Variants in PARD3B observed in about 807,000 individuals in gnomAD.
PARD3B encodes partitioning defective 3 homolog B.
A neutral mutation model predicts 130.2 loss-of-function variants in PARD3B; 103 were observed. That is an observed-to-expected ratio of 0.79 (90% CI 0.67 to 0.93). PARD3B has a LOEUF of 0.93. PARD3B is among the 40% of genes least tolerant of loss of function. The pLI, the probability that PARD3B is intolerant of heterozygous loss-of-function variation, is 0.00. For synonymous variants in PARD3B, 583 were observed against 553.2 expected (o/e 1.05, Z -0.76); for missense variants, 1,609 against 1,499.2 (o/e 1.07, Z -1.21).
chr2:205,592,751 C>T lies in PARD3B; in HGVS notation c.3261-22705C>T, dbSNP rs2054432758. Among the ~76,000 whole-genome samples, 1 of 152,216 alleles carries T rather than the reference C, an allele frequency of 6.6e-6. No individual in the cohort carries two copies. The highest frequency in any genetic ancestry group is 1.5e-5 in the Non-Finnish European group (1 of 68,040). ...GGCATCTGATTCAGAAGTAAAGGAT[C>T]AGGAAGAAGCGGCATCTGGAACAAG... On this transcript the variant is annotated intron_variant, in intron 22 of 22. Coordinates refer to ENST00000406610, the MANE Select transcript of PARD3B (RefSeq NM_001302769.2). The surrounding 1 kb of genome is among the most constrained non-coding windows in gnomAD (Gnocchi z 4.5).
intron 18 of PARD3B, among the ~76,000 whole-genome samples, chr2:205,379,483 TAA>T (rs908959624): frequency 2.6e-5 from 4 of 151,976 alleles, no homozygotes; most frequent in African/African-American, 9.7e-5. Context: ...GGGTTTTTTT[TAA>T]AAAAAAAGCA....
intron 19 of PARD3B, among the ~76,000 whole-genome samples, chr2:205,425,019 C>T (rs1007871381): frequency 6.6e-6 from 1 of 152,148 alleles, no homozygotes; most frequent in Non-Finnish European, 1.5e-5. Flanking sequence ...AAATTTTATC[C>T]AACCGGCAGG....
chr2:204,778,422 G>A (rs1224645598), intron 2 of PARD3B, among the ~76,000 whole-genome samples: 1 of 152,206 alleles, frequency 6.6e-6, no homozygotes, highest in East Asian at 1.9e-4. Flanking sequence ...TTTAGGACAA[G>A]TGCAAGTCAA....
At chr2:205,371,296 C>T (rs2044806116) in intron 18 of PARD3B, among the ~76,000 whole-genome samples, 1 of 152,126 alleles carries the variant, frequency 6.6e-6, no homozygotes, top group Non-Finnish European at 1.5e-5. Context: ...CTTAACACAT[C>T]TGTATAGGAA....
intron 2 of PARD3B, among the ~76,000 whole-genome samples, chr2:204,918,488 G>C (rs1389031256): frequency 5.3e-5 from 8 of 151,764 alleles, no homozygotes; most frequent in Non-Finnish European, 7.4e-5. Flanking sequence ...AAATTAACCG[G>C]GCGTAGTGGC....
At position 205,135,906 on chromosome 2, in the gene PARD3B, C is replaced by G. The variant is rs562860028; in HGVS notation, c.1434+10169C>G. Among the ~76,000 whole-genome samples the G allele has an allele frequency of 2.0e-5, 3 of 152,246 alleles. No homozygotes were observed. In the East Asian group the frequency reaches 5.8e-4, roughly 29 times the overall value. On this transcript the variant is annotated intron_variant, in intron 10 of 22. Coordinates refer to ENST00000406610, the MANE Select transcript of PARD3B (RefSeq NM_001302769.2). ...TGCTGCTGCCTAAATGATGCCCCAC[C>G]ACAGTCCCAGCTCTCTCTTTAAAAA... is the stretch of plus-strand genomic sequence containing the variant.
At chr2:204,903,245 A>G (rs1470088284) in intron 2 of PARD3B, among the ~76,000 whole-genome samples, 1 of 152,182 alleles carries the variant, frequency 6.6e-6, no homozygotes, top group East Asian at 1.9e-4. Context: ...TGAATTTCAA[A>G]CCAATTAGGA....
intron 16 of PARD3B, among the ~76,000 whole-genome samples, chr2:205,248,725 A>G (rs2039691153): frequency 6.9e-6 from 1 of 145,772 alleles, no homozygotes; most frequent in Admixed American, 7.2e-5. Flanking sequence ...CTCCTGCCTC[A>G]GCCTCCCGAG....
At chr2:204,660,209 T>C (rs1261029728) in intron 1 of PARD3B, among the ~76,000 whole-genome samples, 1 of 152,190 alleles carries the variant, frequency 6.6e-6, no homozygotes, top group African/African-American at 2.4e-5. Flanking sequence ...TCATCCCTTC[T>C]GTTGTGTCCC....
rs185285216 is a variant in PARD3B, at chr2:205,152,707, C to T, written c.1435-6015C>T. On this transcript the variant is annotated intron_variant, in intron 10 of 22. Transcript: ENST00000406610. ...CCTCGCAATGGGTTCGAATATCCTC[C>T]TTTAGCTCGGAGAAGTTTGTTATTA... Among the ~76,000 whole-genome samples the T allele has an allele frequency of 1.4e-4, 22 of 152,270 alleles. 1 individual carries two copies. The East Asian group carries it at 4.1e-3, about 28-fold the overall frequency.
chr2:205,137,351 G>A (rs1443349793), intron 10 of PARD3B, among the ~76,000 whole-genome samples: 1 of 152,030 alleles, frequency 6.6e-6, no homozygotes, highest in Non-Finnish European at 1.5e-5. Context: ...TCTTTCCGAA[G>A]GCAGGAAAGA....
intron 2 of PARD3B, among the ~76,000 whole-genome samples, chr2:204,948,084 C>T (rs1689478723): frequency 6.6e-6 from 1 of 152,150 alleles, no homozygotes; most frequent in Non-Finnish European, 1.5e-5. Flanking sequence ...AGGATGACTT[C>T]CAATACATAT....
chr2:205,401,205 A>G, intron 19 of PARD3B, 82 bp downstream of exon 19: 1 of 1,149,632 alleles, frequency 8.7e-7, no homozygotes, highest in Non-Finnish European at 1.3e-6. Flanking sequence ...TCAACTGGAG[A>G]AATTTCATTT....
chr2:205,012,558 T>G (rs1307366742), intron 3 of PARD3B, among the ~76,000 whole-genome samples: 1 of 152,220 alleles, frequency 6.6e-6, no homozygotes. Flanking sequence ...GTGAAAATGG[T>G]CAGTAGTATA....
chr2:205,592,232 CTT>C lies in PARD3B; in HGVS notation c.3261-23223_3261-23222del, dbSNP rs964482660. Among the ~76,000 whole-genome samples the C allele has an allele frequency of 1.1e-4, 17 of 152,192 alleles. No homozygotes were observed. Among genetic ancestry groups the C allele is most frequent in the African/African-American group, 3.9e-4 (16 of 41,458 alleles). ...GTGTTTTGCCTCAGAGCCCAGTGCT[CTT>C]GTTTACTATAGTGGGCTGAGCGTAA... On this transcript the variant is annotated intron_variant, in intron 22 of 22. Transcript: ENST00000406610. The surrounding 1 kb of genome is among the most constrained non-coding windows in gnomAD (Gnocchi z 4.5).
intron 2 of PARD3B, among the ~76,000 whole-genome samples, chr2:204,902,961 A>G: frequency 6.6e-6 from 1 of 152,226 alleles, no homozygotes; most frequent in East Asian, 1.9e-4. Context: ...GATGACACAA[A>G]GAACATGCCA....
At position 205,599,194 on chromosome 2, in the gene PARD3B, A is replaced by G. The variant is rs2054686851; in HGVS notation, c.3261-16262A>G. On this transcript the variant is annotated intron_variant, in intron 22 of 22. Coordinates refer to ENST00000406610, the MANE Select transcript of PARD3B (RefSeq NM_001302769.2). Reference sequence around the variant, plus strand: ...GAACCCAGAGGTTCATGAATATGTTATATAAACCTCACTTAGTATTATAAA... The same window carrying G: ...GAACCCAGAGGTTCATGAATATGTTGTATAAACCTCACTTAGTATTATAAA... Among the ~76,000 whole-genome samples, 3 of 152,360 alleles carry G rather than the reference A, an allele frequency of 2.0e-5. No individual in the cohort carries two copies. The South Asian group carries it at 6.2e-4, about 32-fold the overall frequency.
intron 18 of PARD3B, among the ~76,000 whole-genome samples, chr2:205,349,043 T>C (rs2043896939): frequency 6.6e-6 from 1 of 152,174 alleles, no homozygotes; most frequent in African/African-American, 2.4e-5. Flanking sequence ...GCATCAAAGA[T>C]CATAATGTGT....
At chr2:204,892,093 G>C (rs2046470784) in intron 2 of PARD3B, among the ~76,000 whole-genome samples, 1 of 152,188 alleles carries the variant, frequency 6.6e-6, no homozygotes, top group African/African-American at 2.4e-5. Flanking sequence ...GATAGGGGGA[G>C]CCAGAGGGGA....
Sources: allele counts gnomAD v4.1 joint callset (sites outside exome capture counted in the v4.1 genomes callset), GRCh38; gene constraint gnomAD v4.1.1; non-coding constraint Gnocchi (gnomAD v3.1); transcripts MANE v1.5; gene names NCBI Gene and HGNC (gene_info 2026-07-23, HGNC 2026-07-21).